BCKDHB: variants seen among roughly 807,000 people sequenced by gnomAD.
BCKDHB encodes branched chain keto acid dehydrogenase E1 subunit beta.
In BCKDHB, 41 loss-of-function variants were observed where a neutral mutation model predicts 48.5. That is an observed-to-expected ratio of 0.85 (90% CI 0.66 to 1.10). BCKDHB has a LOEUF of 1.10. Among genes scored for constraint, BCKDHB ranks in the 50% least tolerant of loss-of-function variants. The probability of loss-of-function intolerance (pLI) is 0.00; values close to 1 mark genes in which losing one functional copy is unlikely to be tolerated. For missense variants in BCKDHB, 496 were observed against 494.2 expected, an observed-to-expected ratio of 1.00 and a Z score of -0.03; for synonymous variants, 201 against 174.8, an observed-to-expected ratio of 1.15 and a Z score of -1.18.
At chr6:80,138,811 T>C (rs1318196406) in intron 3 of BCKDHB, among the ~76,000 whole-genome samples, 2 of 152,224 alleles carry the variant, frequency 1.3e-5, no homozygotes, top group Non-Finnish European at 2.9e-5. Flanking sequence ...CCTTTGGGTA[T>C]ATACCCAGTA....
At chr6:80,400,274 G>A in the BCKDHB span, among the ~76,000 whole-genome samples, 207 of 151,066 alleles carry the variant, frequency 1.4e-3, 1 homozygote, top group African/African-American at 4.3e-3. Flanking sequence ...CAAAAGAAGC[G>A]TAAACAGACA....
chr6:80,207,971 C>T (rs926029163), intron 8 of BCKDHB, among the ~76,000 whole-genome samples: 3 of 151,746 alleles, frequency 2.0e-5, no homozygotes, highest in Non-Finnish European at 3.0e-5. Flanking sequence ...GACAAAATCT[C>T]GTGAAGTGTA....
chr6:80,454,723 G>A, the BCKDHB span, among the ~76,000 whole-genome samples: 4 of 152,220 alleles, frequency 2.6e-5, no homozygotes, highest in African/African-American at 7.2e-5. Flanking sequence ...TGAAAAATAT[G>A]TGTATGAATT....
the BCKDHB span, among the ~76,000 whole-genome samples, chr6:80,369,983 A>C: frequency 6.6e-6 from 1 of 152,216 alleles, no homozygotes; most frequent in Non-Finnish European, 1.5e-5. Flanking sequence ...TATTGTTTTA[A>C]ACATCATTTA....
chr6:80,267,893 T>G (rs1008224330), intron 8 of BCKDHB, among the ~76,000 whole-genome samples: 1 of 152,026 alleles, frequency 6.6e-6, no homozygotes, highest in East Asian at 1.9e-4. Flanking sequence ...CTTTTGTACT[T>G]TTTCCACACG....
At chr6:80,127,273 T>G (rs1770392943) in intron 1 of BCKDHB, 1 of 400,186 alleles carries the variant, frequency 2.5e-6, no homozygotes, top group Non-Finnish European at 4.7e-6. Flanking sequence ...GGTCTTATTG[T>G]CTACACGCAT....
chr6:80,274,503 C>A lies in BCKDHB; in HGVS notation c.1038+1282C>A, dbSNP rs140623687. Among the ~76,000 whole-genome samples the A allele has an allele frequency of 4.1e-3, 616 of 151,910 alleles. 2 individuals are homozygous for A. The highest frequency in any genetic ancestry group is 0.014 in the African/African-American group (578 of 41,484). ...CAATCATTTCAAGCCAGAGGCAAAACTGGAAAAAGAAACTGGATTTTCTGA... is the reference window on the plus strand; with the variant it reads ...CAATCATTTCAAGCCAGAGGCAAAAATGGAAAAAGAAACTGGATTTTCTGA... On this transcript the variant is annotated intron_variant, in intron 9 of 9. Transcript: ENST00000320393.
At chr6:80,289,296 A>G (rs1399607627) in intron 9 of BCKDHB, among the ~76,000 whole-genome samples, 4 of 152,182 alleles carry the variant, frequency 2.6e-5, no homozygotes, top group Non-Finnish European at 2.9e-5. Flanking sequence ...GGTTATACAT[A>G]GTACATTGTT....
intron 9 of BCKDHB, among the ~76,000 whole-genome samples, chr6:80,315,668 G>T (rs1490914413): frequency 6.6e-6 from 1 of 151,214 alleles, no homozygotes; most frequent in Non-Finnish European, 1.5e-5. Flanking sequence ...TCCCAGGTTT[G>T]AATGCAGTGG....
At chr6:80,154,264 A>G (rs781702483) in intron 3 of BCKDHB, among the ~76,000 whole-genome samples, 2 of 152,160 alleles carry the variant, frequency 1.3e-5, no homozygotes, top group African/African-American at 2.4e-5. Flanking sequence ...ATTTGTAGCA[A>G]CTAACTACAG....
intron 3 of BCKDHB, among the ~76,000 whole-genome samples, chr6:80,141,042 C>T (rs1393169767): frequency 4.6e-5 from 7 of 151,948 alleles, no homozygotes; most frequent in Admixed American, 2.0e-4. Context: ...GGAGAGTGTA[C>T]GTGTCCAGGA....
At chr6:80,428,987 A>C in the BCKDHB span, among the ~76,000 whole-genome samples, 1 of 152,060 alleles carries the variant, frequency 6.6e-6, no homozygotes, top group Non-Finnish European at 1.5e-5. Flanking sequence ...TTTTCTGCTA[A>C]GATTTTTATG....
intron 9 of BCKDHB, chr6:80,307,831 T>A (rs559214825): frequency 1.0e-6 from 1 of 984,860 alleles, no homozygotes; most frequent in African/African-American, 1.7e-5. Flanking sequence ...ATGGAATGTG[T>A]CTATATGTGT....
chr6:80,460,445 C>T, the BCKDHB span, among the ~76,000 whole-genome samples: 1 of 152,148 alleles, frequency 6.6e-6, no homozygotes, highest in Non-Finnish European at 1.5e-5. Flanking sequence ...GGAAAGCTGT[C>T]TGGAATACCC....
chr6:80,295,270 A>G (rs1767164065), intron 9 of BCKDHB, among the ~76,000 whole-genome samples: 1 of 152,204 alleles, frequency 6.6e-6, no homozygotes, highest in Admixed American at 6.5e-5. Context: ...TGGGTAATTT[A>G]TAAGGATAAA....
intron 8 of BCKDHB, among the ~76,000 whole-genome samples, chr6:80,263,039 A>G (rs571914037): frequency 6.6e-6 from 1 of 152,342 alleles, no homozygotes; most frequent in East Asian, 1.9e-4. Context: ...ATTTAAACCT[A>G]GATAAAAATT....
chr6:80,400,110 C>T, the BCKDHB span, among the ~76,000 whole-genome samples: 2 of 151,868 alleles, frequency 1.3e-5, no homozygotes, highest in African/African-American at 4.8e-5. Context: ...AAAAATAAAA[C>T]CTAAAACAAT....
At chr6:80,142,984 C>T (rs1771297417) in intron 3 of BCKDHB, among the ~76,000 whole-genome samples, 1 of 151,970 alleles carries the variant, frequency 6.6e-6, no homozygotes, top group South Asian at 2.1e-4. Flanking sequence ...AAAAGAAATC[C>T]AGTGAAGAGT....
At chr6:80,399,246 T>C in the BCKDHB span, among the ~76,000 whole-genome samples, 141 of 151,502 alleles carry the variant, frequency 9.3e-4, no homozygotes, top group Non-Finnish European at 1.9e-4. Flanking sequence ...TTAGAAGTCC[T>C]GACCAGAGCA....
Sources: allele counts gnomAD v4.1 joint callset (sites outside exome capture counted in the v4.1 genomes callset), GRCh38; gene constraint gnomAD v4.1.1; transcripts MANE v1.5; gene names NCBI Gene and HGNC (gene_info 2026-07-23, HGNC 2026-07-21).